The following DCLK1 variants were observed in gnomAD, a reference collection of about 807,000 sequenced individuals.
DCLK1 encodes the protein serine/threonine-protein kinase DCLK1.
DCLK1 carries 16 observed loss-of-function variants against 86.2 expected under a neutral mutation model. The observed-to-expected ratio is 0.19, with a 90% confidence interval of 0.13 to 0.28. DCLK1 has a LOEUF of 0.28. Ranked by LOEUF, DCLK1 falls within the 10% of genes least tolerant of loss-of-function variation. DCLK1 has a pLI of 1.00. For missense variants in DCLK1, 590 were observed against 940.2 expected (o/e 0.63, Z 4.87); for synonymous variants, 369 against 370.5 (o/e 1.00, Z 0.05).
intron 4 of DCLK1, among the ~76,000 whole-genome samples, chr13:35,927,537 A>C (rs1420685128): frequency 6.6e-6 from 1 of 152,160 alleles, no homozygotes; most frequent in Non-Finnish European, 1.5e-5. Context: ...CATTATTCTC[A>C]TTACAGAATT....
chr13:36,124,150 C>T (rs143988734), intron 2 of DCLK1, among the ~76,000 whole-genome samples: 21 of 152,288 alleles, frequency 1.4e-4, no homozygotes, highest in African/African-American at 3.6e-4. Flanking sequence ...CTCAGAGGGA[C>T]GGCTTGTTGA....
chr13:35,863,997 T>G (rs1034395800), intron 5 of DCLK1, among the ~76,000 whole-genome samples: 3 of 152,358 alleles, frequency 2.0e-5, no homozygotes, highest in African/African-American at 7.2e-5. Context: ...TAGATGCTCA[T>G]TAACTGAGCC....
At chr13:35,993,976 C>A (rs1164218214) in intron 3 of DCLK1, among the ~76,000 whole-genome samples, 1 of 152,026 alleles carries the variant, frequency 6.6e-6, no homozygotes, top group Admixed American at 6.6e-5. Flanking sequence ...CAGTTAACAT[C>A]TCTAGTCCTT....
At chr13:35,854,687 A>G (rs1018430815) in intron 5 of DCLK1, 94 bp from the exon 6 acceptor site, 11 of 1,104,646 alleles carry the variant, frequency 1.0e-5, no homozygotes, top group Middle Eastern at 2.1e-4. Context: ...AATTATATAG[A>G]GAGCCATCTA....
intron 11 of DCLK1, among the ~76,000 whole-genome samples, chr13:35,812,194 A>G (rs2087161200): frequency 6.6e-6 from 1 of 152,228 alleles, no homozygotes; most frequent in African/African-American, 2.4e-5. Context: ...TATCCCAAAT[A>G]ACTTATTTTA....
At chr13:36,098,997 C>T (rs1408912951) in intron 3 of DCLK1, among the ~76,000 whole-genome samples, 6 of 147,646 alleles carry the variant, frequency 4.1e-5, no homozygotes, top group South Asian at 2.1e-4. Flanking sequence ...GAGAGAGTTT[C>T]GCTCTTGTTG....
chr13:35,816,574 T>G (rs1461228665), intron 11 of DCLK1, among the ~76,000 whole-genome samples: 1 of 152,188 alleles, frequency 6.6e-6, no homozygotes, highest in Non-Finnish European at 1.5e-5. Context: ...ACCAGCCCTA[T>G]TAATTTAGCA....
chr13:35,810,751 G>A, intron 12 of DCLK1, 84 bp downstream of exon 12: 1 of 1,515,300 alleles, frequency 6.6e-7, no homozygotes, highest in South Asian at 1.2e-5. Context: ...GTCTGGATAG[G>A]GCACAGCAGT....
intron 6 of DCLK1, among the ~76,000 whole-genome samples, chr13:35,851,995 ATG>A (rs1555344390): frequency 0.011 from 1,639 of 142,734 alleles, 7 homozygotes; most frequent in African/African-American, 0.019. Context: ...ATGTGTGTGT[ATG>A]TGTGTGTGTG....
chr13:35,908,024 C>T (rs1452800112), intron 4 of DCLK1, among the ~76,000 whole-genome samples: 4 of 151,788 alleles, frequency 2.6e-5, no homozygotes, highest in African/African-American at 9.7e-5. Flanking sequence ...TTAGTCTAGA[C>T]GTATTCATAC....
At chr13:35,958,213 T>TAC (rs1878212935) in intron 3 of DCLK1, among the ~76,000 whole-genome samples, 4 of 19,408 alleles carry the variant, frequency 2.1e-4, no homozygotes, top group African/African-American at 2.2e-4. Flanking sequence ...ATTATAACCA[T>TAC]CACCACCACC....
At chr13:35,965,184 T>A (rs1681825676) in intron 3 of DCLK1, among the ~76,000 whole-genome samples, 1 of 152,182 alleles carries the variant, frequency 6.6e-6, no homozygotes, top group African/African-American at 2.4e-5. Flanking sequence ...CATGAATGTG[T>A]CATTCATGAT....
At chr13:35,806,501 C>G (rs1368001780) in intron 14 of DCLK1, among the ~76,000 whole-genome samples, 1 of 152,144 alleles carries the variant, frequency 6.6e-6, no homozygotes, top group African/African-American at 2.4e-5. Flanking sequence ...GTATGCTATA[C>G]AATTGTCCAC....
At chr13:35,787,216 G>C (rs1209674752) in intron 16 of DCLK1, among the ~76,000 whole-genome samples, 1 of 151,478 alleles carries the variant, frequency 6.6e-6, no homozygotes, top group Non-Finnish European at 1.5e-5. Context: ...ACAACATCAG[G>C]CAGCTACTGT....
At chr13:36,121,640 C>T (rs1484143889) in intron 2 of DCLK1, among the ~76,000 whole-genome samples, 1 of 152,084 alleles carries the variant, frequency 6.6e-6, no homozygotes, top group Non-Finnish European at 1.5e-5. Flanking sequence ...ATATACATAC[C>T]TTTATCATAG....
chr13:36,076,987 A>G (rs1323934381), intron 3 of DCLK1, among the ~76,000 whole-genome samples: 1 of 152,152 alleles, frequency 6.6e-6, no homozygotes, highest in Non-Finnish European at 1.5e-5. Flanking sequence ...TAATGCCCCC[A>G]GTGGAAAGCT....
intron 4 of DCLK1, among the ~76,000 whole-genome samples, chr13:35,927,055 C>A (rs770481607): frequency 6.6e-6 from 1 of 152,192 alleles, no homozygotes; most frequent in Non-Finnish European, 1.5e-5. Context: ...TGGGCCCTCA[C>A]GTAATCCCTC....
chr13:35,882,800 C>T (rs1362873201), intron 4 of DCLK1, among the ~76,000 whole-genome samples: 3 of 152,182 alleles, frequency 2.0e-5, no homozygotes, highest in Non-Finnish European at 2.9e-5. Context: ...TGCTGTTTTA[C>T]GTGCCGGGAT....
intron 3 of DCLK1, among the ~76,000 whole-genome samples, chr13:36,050,689 T>A (rs1225137532): frequency 1.3e-5 from 2 of 152,204 alleles, no homozygotes; most frequent in African/African-American, 4.8e-5. Context: ...TCATTATGCA[T>A]GAGGTTCAAG....
Sources: gnomAD v4.1 joint callset for allele counts (sites outside exome capture counted in the v4.1 genomes callset) on GRCh38, gnomAD v4.1.1 for gene constraint, MANE v1.5 for transcripts, NCBI Gene and HGNC (gene_info 2026-07-23, HGNC 2026-07-21) for gene names.